SGSM2: variants seen among roughly 807,000 people sequenced by gnomAD.
SGSM2 encodes the protein RUN and TBC1 domain containing 1.
Under a neutral mutation model 126.6 loss-of-function variants are expected in SGSM2, and 89 were observed. That is an observed-to-expected ratio of 0.70 (90% CI 0.59 to 0.84). SGSM2 has a LOEUF of 0.84. SGSM2 is among the 40% of genes least tolerant of loss of function. SGSM2 has a pLI of 0.00. For missense variants in SGSM2, 1,404 were observed against 1,416.6 expected, an observed-to-expected ratio of 0.99 and a Z score of 0.14; for synonymous variants, 614 against 574.3, an observed-to-expected ratio of 1.07 and a Z score of -0.99.
intron 2 of SGSM2, among the ~76,000 whole-genome samples, chr17:2,354,295 G>A (rs949241371): frequency 6.6e-6 from 1 of 152,036 alleles, no homozygotes; most frequent in Admixed American, 6.6e-5. Context: ...TGACCCACCC[G>A]CCTCGGCCTC....
At position 2,363,323 on chromosome 17, in the gene SGSM2, G is replaced by A. The variant is rs2065405081; in HGVS notation, c.673-142G>A. 2.8e-6 allele frequency: 4 copies of A among 1,414,438 alleles called. No homozygotes were observed. The highest frequency in any genetic ancestry group is 1.3e-5 in the South Asian group (1 of 78,952). The allele number at this position is 1,414,438 out of a possible 1,614,324, so 87.6% of individuals were successfully genotyped here. On this transcript the variant is annotated intron_variant, in intron 6 of 23. Transcript: ENST00000268989. The surrounding 1 kb of genome is among the most constrained non-coding windows in gnomAD (Gnocchi z 4.2). ...GAGCCCATGCTGGTCCGTGGCTGGA[G>A]AGCAGAGGGTGGCTGGGAGTAAACC...
At chr17:2,366,620 T>G (rs1247251499) in intron 11 of SGSM2, 1 of 152,356 alleles carries the variant, frequency 6.6e-6, no homozygotes, top group Non-Finnish European at 1.5e-5. Flanking sequence ...CACTTGGCAC[T>G]TAGTCTCAGG....
intron 12 of SGSM2, among the ~76,000 whole-genome samples, chr17:2,368,502 A>G (rs1321344768): frequency 6.6e-6 from 1 of 152,174 alleles, no homozygotes; most frequent in Non-Finnish European, 1.5e-5. Flanking sequence ...TTAGGCTTCC[A>G]AAGTTCTGCC....
At chr17:2,342,891 C>T (rs1056755082) in intron 1 of SGSM2, among the ~76,000 whole-genome samples, 1 of 152,076 alleles carries the variant, frequency 6.6e-6, no homozygotes, top group African/African-American at 2.4e-5. Flanking sequence ...GCAGGAGAAT[C>T]GCTTGAACCC....
intron 2 of SGSM2, among the ~76,000 whole-genome samples, chr17:2,358,212 G>C (rs2065159520): frequency 6.6e-6 from 1 of 152,222 alleles, no homozygotes; most frequent in African/African-American, 2.4e-5. Flanking sequence ...CGGGGGATAA[G>C]CTTGGGCCGT....
Position 2,372,433 on chromosome 17 carries a change from G to A in SGSM2, c.1733G>A (p.Gly578Glu), listed in dbSNP as rs370101570. The A allele has an allele frequency of 2.7e-4, 439 of 1,597,880 alleles. 2 individuals carry two copies. In the East Asian group the frequency reaches 7.4e-3, roughly 27 times the overall value. ...GTTATCCCACCTGACCGGCCCCCGGGGGCCTCCGCGGGCCTCACCAAGGAC... is the reference window on the plus strand; with the variant it reads ...GTTATCCCACCTGACCGGCCCCCGGAGGCCTCCGCGGGCCTCACCAAGGAC... ...HSVIPPDRPP[G>E]ASAGLTKDVW... is the part of the protein sequence containing the mutation. Residue 578 changes from glycine to glutamate, a missense_variant, in exon 15 of 24, where the codon GGG (glycine) becomes GAG (glutamate). By Grantham distance (98) the Gly-to-Glu change is moderately conservative. Transcript: ENST00000268989. This position sits in a 1 kb window ranked among gnomAD's most constrained non-coding sequence, Gnocchi z 6.0.
intron 3 of SGSM2, 148 bp from the exon 4 acceptor site, chr17:2,361,961 C>A: frequency 7.7e-7 from 1 of 1,298,726 alleles, no homozygotes. Flanking sequence ...TCCTTGTGGG[C>A]ACAAGGCTCT....
At chr17:2,358,877 T>TTGG (rs71847960) in intron 2 of SGSM2, among the ~76,000 whole-genome samples, 2 of 104,752 alleles carry the variant, frequency 1.9e-5, no homozygotes, top group African/African-American at 6.7e-5. Flanking sequence ...GTTGTTGTTT[T>TTGG]TTTTTTTTTT....
chr17:2,337,502 T>C lies in SGSM2; in HGVS notation c.-187T>C, dbSNP rs1475790211. 1.2e-5 allele frequency: 2 copies of C among 171,524 alleles called. No individual in the cohort carries two copies. Among genetic ancestry groups the C allele is most frequent in the African/African-American group, 4.8e-5 (2 of 41,630 alleles). The allele number at this position is 171,524 out of a possible 1,614,324, so 10.6% of individuals were successfully genotyped here. A position where few individuals can be genotyped will look rare whatever the true frequency, so the allele number is the denominator to read the frequency against. On this transcript the variant is annotated 5_prime_UTR_variant, in exon 1 of 24. Coordinates refer to ENST00000268989, the MANE Select transcript of SGSM2 (RefSeq NM_014853.3). The surrounding 1 kb of genome is among the most constrained non-coding windows in gnomAD (Gnocchi z 5.1). ...GGCCGGGCCTGCCGCCTGACGTCTG[T>C]GCGGGGCTCGGAAGATGGCTGCGGA...
In SGSM2 at chr17:2,380,347, G is replaced by A. The variant is rs1340133614; in HGVS notation, c.*827G>A. On this transcript the variant is annotated 3_prime_UTR_variant, in exon 24 of 24. Transcript: ENST00000268989. ...ATGCGACCGGAGCACTTGCTCTGAG[G>A]AATCCCAGGGTGACTCTGTCGGGGA... The A allele has an allele frequency of 1.3e-6, 2 of 1,517,188 alleles. No homozygotes were observed. The highest frequency in any genetic ancestry group is 1.2e-5 in the South Asian group (1 of 83,688). The allele number at this position is 1,517,188 out of a possible 1,614,324, so 94.0% of individuals were successfully genotyped here.
Position 2,372,625 on chromosome 17 carries a change from A to G in SGSM2, c.1788+137A>G. 1 of 1,258,356 alleles carries G rather than the reference A, an allele frequency of 7.9e-7. No homozygotes were observed. The highest frequency in any genetic ancestry group is 1.1e-6 in the Non-Finnish European group (1 of 904,902). 77.9% of individuals were successfully genotyped at this position (1,258,356 alleles called of 1,614,324 possible). ...CACGGAGTGACCAGGGTCCCGGCAGAATCTCTTGCAGCTGGGCCTGGGGCT... is the reference window on the plus strand; with the variant it reads ...CACGGAGTGACCAGGGTCCCGGCAGGATCTCTTGCAGCTGGGCCTGGGGCT... On this transcript the variant is annotated intron_variant, in intron 15 of 23. Coordinates refer to ENST00000268989, the MANE Select transcript of SGSM2 (RefSeq NM_014853.3). This position sits in a 1 kb window ranked among gnomAD's most constrained non-coding sequence, Gnocchi z 6.0.
Position 2,364,176 on chromosome 17 carries a change from GA to G in SGSM2, c.929del (p.Lys310ArgfsTer33). 1 of 1,613,816 alleles carries G rather than the reference GA, an allele frequency of 6.2e-7. No homozygotes were observed. Among genetic ancestry groups the G allele is most frequent in the Non-Finnish European group, 8.5e-7 (1 of 1,180,018 alleles). ...TGGGACTCTGGGGGACTCCGAGCTG[GA>G]AAAGAGGTGGGGGCTTTGGGACTCA... Reference protein sequence around the residue: ...MNGTLGDSELEKSVYWDYALV... With the variant: ...MNGTLGDSELXKSVYWDYALV... On this transcript the variant is annotated frameshift_variant, in exon 8 of 24. Transcript: ENST00000268989. LOFTEE classifies it high-confidence loss of function.
chr17:2,372,198 T>G lies in SGSM2; in HGVS notation c.1586T>G (p.Leu529Arg). The change falls in exon 14 of 24, where the codon CTC (leucine) becomes CGC (arginine). Residue 529 changes from leucine to arginine, a missense_variant. Physicochemically the swap from Leu to Arg is moderately radical, Grantham distance 102 (BLOSUM62 -2). Transcript: ENST00000268989. The surrounding 1 kb of genome is among the most constrained non-coding windows in gnomAD (Gnocchi z 6.0). ...HCSCIPDRLPLRLLCESMKRQ... is the reference protein window; with the variant it reads ...HCSCIPDRLPRRLLCESMKRQ... ...CCCGGTTGTTGCCACAGGTTGCCGC[T>G]CAGGCTACTGTGTGAGAGTATGAAG... 1 of 1,613,302 alleles carries G rather than the reference T, an allele frequency of 6.2e-7. No individual in the cohort carries two copies. Among genetic ancestry groups the G allele is most frequent in the Non-Finnish European group, 8.5e-7 (1 of 1,179,796 alleles).
At chr17:2,369,085 C>T (rs1171578162) in intron 12 of SGSM2, among the ~76,000 whole-genome samples, 1 of 152,174 alleles carries the variant, frequency 6.6e-6, no homozygotes, top group Non-Finnish European at 1.5e-5. Context: ...CTTCTGGGCC[C>T]CTAATACTTG....
In SGSM2 at chr17:2,375,884, A is replaced by C. The variant is rs1032552944; in HGVS notation, c.2484+9A>C. On this transcript the variant is annotated intron_variant, in intron 18 of 23. Transcript: ENST00000268989. ...GTGCGGCTGCCTACACTGTGCGTAC[A>C]TGCTCCCCAGGCTGTTCCCAGCCGC... 2 of 1,512,302 alleles carry C rather than the reference A, an allele frequency of 1.3e-6. No homozygotes were observed. The highest frequency in any genetic ancestry group is 1.8e-6 in the Non-Finnish European group (2 of 1,139,700). The allele number at this position is 1,512,302 out of a possible 1,614,324, so 93.7% of individuals were successfully genotyped here. A position where few individuals can be genotyped will look rare whatever the true frequency, so the allele number is the denominator to read the frequency against.
intron 2 of SGSM2, among the ~76,000 whole-genome samples, chr17:2,360,648 T>C (rs113783593): frequency 9.3e-4 from 141 of 152,312 alleles, no homozygotes; most frequent in African/African-American, 3.2e-3. Context: ...AGGATACAAC[T>C]GAGTCTCAGA....
At chr17:2,339,950 C>G (rs1334694078) in intron 1 of SGSM2, among the ~76,000 whole-genome samples, 1 of 152,082 alleles carries the variant, frequency 6.6e-6, no homozygotes, top group African/African-American at 2.4e-5. Context: ...CTGCTCTCCC[C>G]AATGAAAAGA....
chr17:2,379,865 G>A lies in SGSM2; in HGVS notation c.*345G>A, dbSNP rs1004380819. The A allele has an allele frequency of 9.2e-6, 12 of 1,305,888 alleles. No homozygotes were observed. Among genetic ancestry groups the A allele is most frequent in the African/African-American group, 5.9e-5 (4 of 67,880 alleles). The allele number at this position is 1,305,888 out of a possible 1,614,324, so 80.9% of individuals were successfully genotyped here. ...CCACGAGTGAACCTGGGGCCCCACA[G>A]GATTAACAGGGGCTATAGCGGCCTG... On this transcript the variant is annotated 3_prime_UTR_variant, in exon 24 of 24. Transcript: ENST00000268989.
At chr17:2,377,749 C>T (rs569408006) in intron 21 of SGSM2, 108 bp from the exon 22 acceptor site, 7 of 722,240 alleles carry the variant, frequency 9.7e-6, no homozygotes, top group African/African-American at 8.7e-5. Context: ...AGACCCACTG[C>T]CAGGTTGGGG....
Sources: gnomAD v4.1 joint callset for allele counts (sites outside exome capture counted in the v4.1 genomes callset) on GRCh38, gnomAD v4.1.1 for gene constraint, Gnocchi (gnomAD v3.1) non-coding constraint, MANE v1.5 for transcripts, NCBI Gene and HGNC (gene_info 2026-07-23, HGNC 2026-07-21) for gene names.